The following TMPRSS6 variants were observed in gnomAD, a reference collection of about 807,000 sequenced individuals.
The protein encoded by TMPRSS6 is transmembrane protease serine 6.
A neutral mutation model predicts 101.5 loss-of-function variants in TMPRSS6; 67 were observed. That is an observed-to-expected ratio of 0.66 (90% CI 0.54 to 0.81). TMPRSS6 has a LOEUF of 0.81. Among genes scored for constraint, TMPRSS6 ranks in the 30% least tolerant of loss-of-function variants. TMPRSS6 has a pLI of 0.00. For synonymous variants in TMPRSS6, 453 were observed against 464.9 expected, an observed-to-expected ratio of 0.97 and a Z score of 0.33; for missense variants, 1,034 against 1,088.7, an observed-to-expected ratio of 0.95 and a Z score of 0.71.
At chr22:37,078,973 A>AAAAAGAAAGAAAGAAAGAAAGAAAG (rs1555888508) in intron 10 of TMPRSS6, among the ~76,000 whole-genome samples, 24 of 106,508 alleles carry the variant, frequency 2.3e-4, no homozygotes, top group Admixed American at 1.8e-3. Context: ...GAAAGAAAGA[A>AAAAAGAAAGAAAGAAAGAAAGAAAG]AAAGAAAGAA....
At chr22:37,110,466 G>A (rs1370852295), upstream of TMPRSS6, among the ~76,000 whole-genome samples, 1 of 152,094 alleles carries the variant, frequency 6.6e-6, no homozygotes, top group Non-Finnish European at 1.5e-5. Context: ...TGGTTCCGTA[G>A]CGCTGTGCTG....
chr22:37,101,927 C>A lies in TMPRSS6; in HGVS notation c.202+1289G>T, dbSNP rs553183801. Among the ~76,000 whole-genome samples the A allele has an allele frequency of 2.0e-5, 3 of 152,182 alleles. No individual in the cohort carries two copies. The highest frequency in any genetic ancestry group is 7.2e-5 in the African/African-American group (3 of 41,430). ...CCTGCTGGTGGTGAAATGCACATGG[C>A]GTCTACTGCCTGCGTTGCTCAACTC... On this transcript the variant is annotated intron_variant, in intron 2 of 17. Coordinates refer to ENST00000676104, the MANE Select transcript of TMPRSS6 (RefSeq NM_001374504.1). The surrounding 1 kb of genome is among the most constrained non-coding windows in gnomAD (Gnocchi z 4.1).
At chr22:37,091,861 C>T (rs973208937) in intron 6 of TMPRSS6, among the ~76,000 whole-genome samples, 3 of 152,290 alleles carry the variant, frequency 2.0e-5, no homozygotes, top group East Asian at 1.9e-4. Context: ...GGTGAATACA[C>T]TTTGCTCTGA....
At chr22:37,068,799 C>G in intron 16 of TMPRSS6, 3 of 712,508 alleles carry the variant, frequency 4.2e-6, no homozygotes, top group Non-Finnish European at 7.6e-6. Flanking sequence ...GGAGCTTGCA[C>G]GTGGGCAGTG....
intron 16 of TMPRSS6, among the ~76,000 whole-genome samples, chr22:37,067,572 C>T (rs1926423713): frequency 6.6e-6 from 1 of 152,220 alleles, no homozygotes; most frequent in Non-Finnish European, 1.5e-5. Context: ...TGGGCTCTGG[C>T]TGGCTCCTCG....
intron 8 of TMPRSS6, among the ~76,000 whole-genome samples, chr22:37,085,207 A>G (rs774240809): frequency 6.6e-6 from 1 of 152,106 alleles, no homozygotes; most frequent in Non-Finnish European, 1.5e-5. Flanking sequence ...CCCTTTTCCA[A>G]GATGAGGTTC....
At position 37,069,671 on chromosome 22, in the gene TMPRSS6, A is replaced by G. The variant is rs1220343410; in HGVS notation, c.1842-327T>C. ...AGAATCCAATAAGACCGTGTATCTA[A>G]AAAATGTAGCACAGTGCCAGGCCCC... On this transcript the variant is annotated intron_variant, in intron 15 of 17. Transcript: ENST00000676104. The surrounding 1 kb of genome is among the most constrained non-coding windows in gnomAD (Gnocchi z 4.8). Among the ~76,000 whole-genome samples, 1 of 152,206 alleles carries G rather than the reference A, an allele frequency of 6.6e-6. No individual in the cohort carries two copies. The highest frequency in any genetic ancestry group is 2.4e-5 in the African/African-American group (1 of 41,456).
chr22:37,084,910 A>G (rs1055175178), intron 8 of TMPRSS6, 71 bp from the exon 9 acceptor site: 1 of 1,186,486 alleles, frequency 8.4e-7, no homozygotes, highest in Non-Finnish European at 1.2e-6. Context: ...CGCAGCTTGT[A>G]ACCCCACCAC....
At chr22:37,089,388 C>T (rs1479419476) in intron 7 of TMPRSS6, among the ~76,000 whole-genome samples, 190 bp downstream of exon 7, 1 of 152,026 alleles carries the variant, frequency 6.6e-6, no homozygotes, top group Non-Finnish European at 1.5e-5. Flanking sequence ...GGAGGGGAAG[C>T]GCCCCCAGTA....
intron 10 of TMPRSS6, 79 bp downstream of exon 10, chr22:37,084,216 T>C: frequency 8.0e-7 from 1 of 1,247,606 alleles, no homozygotes; most frequent in South Asian, 1.3e-5. Flanking sequence ...GGGCTTCCAA[T>C]GAGGGGGTCA....
At chr22:37,071,537 T>C (rs938131670) in intron 13 of TMPRSS6, among the ~76,000 whole-genome samples, 8 of 152,370 alleles carry the variant, frequency 5.3e-5, no homozygotes, top group Admixed American at 4.6e-4. Flanking sequence ...AAGCTTTTCA[T>C]GTCTGACCTC....
rs1260631981 is a variant in TMPRSS6 at position 37,075,235 on chromosome 22, G to C, written c.1242C>G (p.Pro414=). ...TGGTGATCCCGGCCGTGGCCACCAC[G>C]GGGATCCTCTCGGCGTAGGGCTGCA... The part of the protein sequence containing the change: ...RILQPYAERI[P]VVATAGITIN... Residue 414 remains proline, a synonymous_variant, in exon 11 of 18, where the codon CCC becomes CCG. Coordinates refer to ENST00000676104, the MANE Select transcript of TMPRSS6 (RefSeq NM_001374504.1). 5 of 1,613,822 alleles carry C rather than the reference G, an allele frequency of 3.1e-6. No individual in the cohort carries two copies. The highest frequency in any genetic ancestry group is 1.6e-4 in the Middle Eastern group (1 of 6,062).
chr22:37,083,136 T>C (rs1470216098), intron 10 of TMPRSS6: 4 of 462,686 alleles, frequency 8.6e-6, no homozygotes, highest in Non-Finnish European at 1.8e-5. Flanking sequence ...CTGAACCCAT[T>C]AGGCCCCCAG....
rs1218024228 is a variant in TMPRSS6, at chr22:37,084,810, T to C, written c.1003A>G (p.Arg335Gly). The change falls in exon 9 of 18, where the codon AGG (arginine) becomes GGG (glycine). Residue 335 changes from arginine (R) to glycine (G), a missense_variant. Physicochemically the swap from Arg to Gly is moderately radical, Grantham distance 125 (BLOSUM62 -2). Transcript: ENST00000676104. ...CTGAGGACGCCCTGGGAGTCGAGCCTGTTGTCCAGCGTCAGGTTCACTTCA... is the reference window on the plus strand; with the variant it reads ...CTGAGGACGCCCTGGGAGTCGAGCCCGTTGTCCAGCGTCAGGTTCACTTCA... Reference protein sequence around the residue: ...ACEVNLTLDNRLDSQGVLSTP... With the variant: ...ACEVNLTLDNGLDSQGVLSTP... 1.9e-6 allele frequency: 3 copies of C among 1,559,218 alleles called. No individual in the cohort carries two copies. The South Asian group carries it at 3.5e-5, about 18-fold the overall frequency.
chr22:37,083,794 T>C (rs1900843099), intron 10 of TMPRSS6: 1 of 240,164 alleles, frequency 4.2e-6, no homozygotes, highest in African/African-American at 2.2e-5. Context: ...CGTTGGGGAT[T>C]CGGGGGATCC....
At chr22:37,087,354 G>T (rs1440825289) in intron 7 of TMPRSS6, among the ~76,000 whole-genome samples, 1 of 152,214 alleles carries the variant, frequency 6.6e-6, no homozygotes. Flanking sequence ...GGAGGAAGGG[G>T]TGCTGCTGGA....
chr22:37,089,729 G>C lies in TMPRSS6; in HGVS notation c.685C>G (p.Pro229Ala). Residue 229 changes from proline (P) to alanine (A), a missense_variant, in exon 7 of 18, where the codon CCT (proline) becomes GCT (alanine). By Grantham distance (27) the Pro-to-Ala change is conservative. Coordinates refer to ENST00000676104, the MANE Select transcript of TMPRSS6 (RefSeq NM_001374504.1). ...AGGCAGCTGGAGGCCAGGTGGTCAG[G>C]CCCCTTCAGCCGGAGGACCTGGCCC... ...GQGQVLRLKGPDHLASSCLWH... is the reference protein window; with the variant it reads ...GQGQVLRLKGADHLASSCLWH... The C allele has an allele frequency of 1.9e-6, 3 of 1,612,436 alleles. No individual in the cohort carries two copies. Among genetic ancestry groups the C allele is most frequent in the Non-Finnish European group, 2.5e-6 (3 of 1,179,652 alleles).
chr22:37,098,004 GA>G (rs1929962726), intron 3 of TMPRSS6, among the ~76,000 whole-genome samples: 1 of 112,394 alleles, frequency 8.9e-6, no homozygotes, highest in Admixed American at 9.0e-5. Flanking sequence ...GGAGGGGCAG[GA>G]GCGGCCACCG....
rs1930356272 is a variant in TMPRSS6 at position 37,101,999 on chromosome 22, T to C, written c.202+1217A>G. ...ATTGCAAGCAGGCCCGTGTCAGACC[T>C]GGGGTTCCCAATAGTGTCACTCCCA... On this transcript the variant is annotated intron_variant, in intron 2 of 17. Coordinates refer to ENST00000676104, the MANE Select transcript of TMPRSS6 (RefSeq NM_001374504.1). The surrounding 1 kb of genome is among the most constrained non-coding windows in gnomAD (Gnocchi z 4.1). 6.6e-6 allele frequency among the ~76,000 whole-genome samples: 1 copy of C among 151,992 alleles called. No homozygotes were observed. The highest frequency in any genetic ancestry group is 1.5e-5 in the Non-Finnish European group (1 of 67,978).
Sources: gnomAD v4.1 joint callset for allele counts (sites outside exome capture counted in the v4.1 genomes callset) on GRCh38, gnomAD v4.1.1 for gene constraint, Gnocchi (gnomAD v3.1) non-coding constraint, MANE v1.5 for transcripts, NCBI Gene and HGNC (gene_info 2026-07-23, HGNC 2026-07-21) for gene names.